The following TACR3 variants were observed in gnomAD, a reference collection of about 807,000 sequenced individuals.
TACR3 encodes tachykinin receptor 3.
A neutral mutation model predicts 35.0 loss-of-function variants in TACR3; 34 were observed. The observed-to-expected ratio is 0.97, with a 90% CI of 0.74 to 1.30. The LOEUF is 1.30. Among genes scored for constraint, TACR3 ranks in the 50% most tolerant of loss-of-function variants. TACR3 has a pLI of 0.00. For synonymous variants in TACR3, 233 were observed against 221.1 expected (o/e 1.05, Z -0.48); for missense variants, 558 against 591.7 (o/e 0.94, Z 0.59).
chr4:103,598,354 C>A (rs1343662246), intron 3 of TACR3, among the ~76,000 whole-genome samples: 1 of 152,096 alleles, frequency 6.6e-6, no homozygotes, highest in African/African-American at 2.4e-5. Context: ...TGGATATTAG[C>A]CCTTTGTCAG....
rs191322664 is a variant in TACR3 at position 103,611,393 on chromosome 4, G to A, written c.889-19710C>T. ...TATTTTTTTGTAGCTATTGTAAGTG[G>A]GATTGATTTCTTAATTTCTTTTTTA... On this transcript the variant is annotated intron_variant, in intron 3 of 4. Transcript: ENST00000304883. Among the ~76,000 whole-genome samples the A allele has an allele frequency of 3.6e-4, 54 of 152,090 alleles. No homozygotes were observed. In the East Asian group the frequency reaches 6.6e-3, roughly 18 times the overall value.
At chr4:103,668,565 C>T (rs550020206) in intron 1 of TACR3, among the ~76,000 whole-genome samples, 27 of 151,834 alleles carry the variant, frequency 1.8e-4, no homozygotes, top group East Asian at 1.2e-3. Flanking sequence ...ACAGTTGTTT[C>T]GGCCAGGTGT....
chr4:103,664,606 C>T (rs548943841), intron 1 of TACR3, among the ~76,000 whole-genome samples: 2 of 152,254 alleles, frequency 1.3e-5, no homozygotes, highest in African/African-American at 4.8e-5. Context: ...ACACAAAATA[C>T]GGTCTGGCTA....
chr4:103,603,406 C>T lies in TACR3; in HGVS notation c.889-11723G>A, dbSNP rs1461030477. Among the ~76,000 whole-genome samples the T allele has an allele frequency of 2.0e-5, 3 of 152,316 alleles. No homozygotes were observed. The East Asian group carries it at 5.8e-4, about 29-fold the overall frequency. On this transcript the variant is annotated intron_variant, in intron 3 of 4. Transcript: ENST00000304883. ...ACGGTGCGCTGCACCCACTGTCTTG[C>T]ACCTACTGTCTGGCACTCCCCAGTG...
intron 3 of TACR3, among the ~76,000 whole-genome samples, chr4:103,646,038 A>C (rs549448751): frequency 6.6e-6 from 1 of 152,082 alleles, no homozygotes; most frequent in South Asian, 2.1e-4. Flanking sequence ...TAATTCAGTC[A>C]TTTAATAGTC....
intron 3 of TACR3, among the ~76,000 whole-genome samples, chr4:103,630,964 A>C (rs986678267): frequency 6.6e-6 from 1 of 152,232 alleles, no homozygotes; most frequent in Non-Finnish European, 1.5e-5. Flanking sequence ...GATTAAGAAA[A>C]TGTGGCACAT....
At chr4:103,614,192 T>A (rs559150901) in intron 3 of TACR3, among the ~76,000 whole-genome samples, 1 of 152,342 alleles carries the variant, frequency 6.6e-6, no homozygotes, top group South Asian at 2.1e-4. Flanking sequence ...GAGTTCTAAT[T>A]TTCCAGTACA....
At chr4:103,590,753 G>A (rs72943366) in intron 4 of TACR3, among the ~76,000 whole-genome samples, 5 of 152,188 alleles carry the variant, frequency 3.3e-5, no homozygotes, top group South Asian at 2.1e-4. Flanking sequence ...CAGGACTTAC[G>A]AGCCCTATGA....
rs560285478 is a variant in TACR3 at position 103,630,892 on chromosome 4, G to A, written c.888+25302C>T. On this transcript the variant is annotated intron_variant, in intron 3 of 4. Coordinates refer to ENST00000304883, the MANE Select transcript of TACR3 (RefSeq NM_001059.3). Reference sequence around the variant, plus strand: ...AGACACACACACACGTGTGTTTATCGTGGCACTATTCACAATAGCAAAGAC... The same window carrying A: ...AGACACACACACACGTGTGTTTATCATGGCACTATTCACAATAGCAAAGAC... 2.6e-3 allele frequency among the ~76,000 whole-genome samples: 402 copies of A among 152,228 alleles called. 1 individual carries two copies. Among genetic ancestry groups the A allele is most frequent in the African/African-American group, 9.2e-3 (384 of 41,530 alleles).
At chr4:103,648,472 ACT>A (rs1725506550) in intron 3 of TACR3, among the ~76,000 whole-genome samples, 1 of 150,612 alleles carries the variant, frequency 6.6e-6, no homozygotes, top group Non-Finnish European at 1.5e-5. Context: ...CCTTCCTTCT[ACT>A]CTCTATCTCC....
chr4:103,612,132 T>G (rs1411888660), intron 3 of TACR3, among the ~76,000 whole-genome samples: 1 of 152,218 alleles, frequency 6.6e-6, no homozygotes, highest in African/African-American at 2.4e-5. Flanking sequence ...GCTTCTGTTA[T>G]ATTTTGCTGC....
At chr4:103,632,343 A>G (rs1477292415) in intron 3 of TACR3, among the ~76,000 whole-genome samples, 1 of 152,274 alleles carries the variant, frequency 6.6e-6, no homozygotes, top group South Asian at 2.1e-4. Flanking sequence ...CTCCTGGAAT[A>G]CTATGCAGCC....
chr4:103,613,486 A>ATT (rs764749592), intron 3 of TACR3, among the ~76,000 whole-genome samples: 12 of 144,740 alleles, frequency 8.3e-5, no homozygotes, highest in African/African-American at 2.0e-4. Flanking sequence ...CGCCCGGCTA[A>ATT]TTTTTTTTTT....
At chr4:103,688,595 A>C (rs1249959755) in intron 1 of TACR3, among the ~76,000 whole-genome samples, 28 of 150,700 alleles carry the variant, frequency 1.9e-4, no homozygotes, top group Non-Finnish European at 3.8e-4. Context: ...GAAGGACATG[A>C]ACAGACACTT....
chr4:103,656,217 CATG>C lies in TACR3; in HGVS notation c.862_864del (p.His288del). The C allele has an allele frequency of 2.5e-6, 4 of 1,612,972 alleles. No homozygotes were observed. Among genetic ancestry groups the C allele is most frequent in the Non-Finnish European group, 3.4e-6 (4 of 1,179,274 alleles). On this transcript the variant is annotated inframe_deletion, in exon 3 of 5. Transcript: ENST00000304883. ...ACCTTTCTTTTGGCCTTTAGCTGCT[CATG>C]ATACTTGTCACAGGTATCTCCTGGG...
At chr4:103,703,664 T>G (rs1191180031) in intron 1 of TACR3, among the ~76,000 whole-genome samples, 1 of 152,066 alleles carries the variant, frequency 6.6e-6, no homozygotes, top group Non-Finnish European at 1.5e-5. Context: ...GAAACCTCAA[T>G]AAAAATGATT....
chr4:103,645,855 G>A (rs1429223925), intron 3 of TACR3, among the ~76,000 whole-genome samples: 2 of 151,800 alleles, frequency 1.3e-5, no homozygotes, highest in African/African-American at 4.8e-5. Flanking sequence ...AGCAAACGGA[G>A]CATAATAAAG....
At chr4:103,677,456 C>A (rs1344674569) in intron 1 of TACR3, among the ~76,000 whole-genome samples, 8 of 152,078 alleles carry the variant, frequency 5.3e-5, no homozygotes, top group Admixed American at 5.2e-4. Context: ...ATATAATCAA[C>A]CTAATGCCCA....
chr4:103,671,604 C>T lies in TACR3; in HGVS notation c.549-13201G>A, dbSNP rs550509521. Among the ~76,000 whole-genome samples, 6 of 151,936 alleles carry T rather than the reference C, an allele frequency of 3.9e-5. No homozygotes were observed. The South Asian group carries it at 6.2e-4, about 16-fold the overall frequency. ...TTGCACAATAGTAGTCTCTAATGAT[C>T]CTTTAAATTTTTGAGCTATCAATTG... On this transcript the variant is annotated intron_variant, in intron 1 of 4. Transcript: ENST00000304883.
Sources: allele counts gnomAD v4.1 joint callset (sites outside exome capture counted in the v4.1 genomes callset), GRCh38; gene constraint gnomAD v4.1.1; transcripts MANE v1.5; gene names NCBI Gene and HGNC (gene_info 2026-07-23, HGNC 2026-07-21).